SBF1: variants seen among roughly 807,000 people sequenced by gnomAD.
The protein encoded by SBF1 is myotubularin-related protein 5.
In SBF1, 65 loss-of-function variants were observed where a neutral mutation model predicts 215.8. The observed-to-expected ratio is 0.30, with a 90% CI of 0.25 to 0.37. The LOEUF (loss-of-function observed/expected upper bound fraction) is 0.37. SBF1 is among the 10% of genes least tolerant of loss of function. The pLI is 1.00. For missense variants in SBF1, 2,634 were observed against 2,667.8 expected, an observed-to-expected ratio of 0.99 and a Z score of 0.28; for synonymous variants, 1,410 against 1,122.8, an observed-to-expected ratio of 1.26 and a Z score of -5.11.
At position 50,464,924 on chromosome 22, in the gene SBF1, G is replaced by A; in HGVS notation, c.1333-7C>T. 2 of 1,613,764 alleles carry A rather than the reference G, an allele frequency of 1.2e-6. No homozygotes were observed. The highest frequency in any genetic ancestry group is 1.7e-6 in the Non-Finnish European group (2 of 1,179,996). ...CCACCTCGTGGGCCACCAGCTAGCG[G>A]GGTAAGCAGGAGGTTAGGTAAGCCA... On this transcript the variant is annotated splice_region_variant and splice_polypyrimidine_tract_variant and intron_variant, in intron 12 of 40. Transcript: ENST00000380817.
In SBF1 at chr22:50,459,542, G is replaced by T; in HGVS notation, c.3616C>A (p.Leu1206Met). The T allele has an allele frequency of 6.2e-7, 1 of 1,610,374 alleles. No individual in the cohort carries two copies. The highest frequency in any genetic ancestry group is 8.5e-7 in the Non-Finnish European group (1 of 1,179,700). ...CCATGCAGGCCTCCAGAGCGCAGCA[G>T]CACCGCCTTGGACCGCCCGCTGCGC... ...CWRSGRSKAV[L>M]LRSGGLHGKG... The change falls in exon 27 of 41, where the codon CTG becomes ATG. Residue 1206 changes from leucine (L) to methionine (M), a missense_variant. By Grantham distance (15) the Leu-to-Met change is conservative. Transcript: ENST00000380817.
In SBF1 at chr22:50,452,494, G is replaced by A. The variant is rs905545601; in HGVS notation, c.5043+2018C>T. 3.3e-5 allele frequency among the ~76,000 whole-genome samples: 5 copies of A among 152,122 alleles called. No homozygotes were observed. The East Asian group carries it at 7.7e-4, about 23-fold the overall frequency. The stretch of plus-strand genomic sequence containing the variant: ...AGCACTTTGCAAGGCCAAGGCGGGC[G>A]GATCACCTGAGGTCAGGAGTTTGAG... On this transcript the variant is annotated intron_variant, in intron 36 of 40. Coordinates refer to ENST00000380817, the MANE Select transcript of SBF1 (RefSeq NM_002972.4).
chr22:50,459,715 C>T, intron 26 of SBF1, 49 bp from the exon 27 acceptor site: 1 of 1,528,076 alleles, frequency 6.5e-7, no homozygotes, highest in Non-Finnish European at 8.8e-7. Flanking sequence ...CACCCGCCTC[C>T]AGGCTCACGC....
intron 1 of SBF1, among the ~76,000 whole-genome samples, chr22:50,469,449 G>A (rs1404940413): frequency 6.6e-6 from 1 of 152,228 alleles, no homozygotes; most frequent in Non-Finnish European, 1.5e-5. Context: ...GTCCCTGCCT[G>A]TGGCTCACCC....
At position 50,454,874 on chromosome 22, in the gene SBF1, G is replaced by A. The variant is rs762770332; in HGVS notation, c.4752C>T (p.Asp1584=). The change falls in exon 35 of 41, where the codon GAC becomes GAT. Residue 1584 remains aspartate, a synonymous_variant. Coordinates refer to ENST00000380817, the MANE Select transcript of SBF1 (RefSeq NM_002972.4). ...ACACAGGCGTCCTCTTGCTCAGCCG[G>A]TCCACATACTCCCACACAGACCTGC... is the stretch of plus-strand genomic sequence containing the variant. The part of the protein sequence containing the change: ...VPCRSVWEYV[D]RLSKRTPVFH... 13 of 1,613,956 alleles carry A rather than the reference G, an allele frequency of 8.1e-6. No individual in the cohort carries two copies. Among genetic ancestry groups the A allele is most frequent in the Middle Eastern group, 1.6e-4 (1 of 6,084 alleles).
chr22:50,457,327 A>G, intron 28 of SBF1: 1 of 440,948 alleles, frequency 2.3e-6, no homozygotes, highest in Non-Finnish European at 4.0e-6. Context: ...ACTCCGTGGC[A>G]GCAGAAGGGC....
At chr22:50,453,270 C>A (rs1465877884) in intron 36 of SBF1, among the ~76,000 whole-genome samples, 3 of 152,198 alleles carry the variant, frequency 2.0e-5, no homozygotes, top group Non-Finnish European at 4.4e-5. Flanking sequence ...ACCAATGAGA[C>A]CGCGTCAACT....
intron 1 of SBF1, among the ~76,000 whole-genome samples, chr22:50,471,547 A>C (rs2067995821): frequency 6.6e-6 from 1 of 152,144 alleles, no homozygotes; most frequent in African/African-American, 2.4e-5. Flanking sequence ...TGGGGAACCC[A>C]GCTATAGGAA....
In SBF1 at chr22:50,474,902, A is replaced by G; in HGVS notation, c.-62T>C. 8.3e-7 allele frequency: 1 copy of G among 1,210,944 alleles called. No homozygotes were observed. Among genetic ancestry groups the G allele is most frequent in the Non-Finnish European group, 1.1e-6 (1 of 939,928 alleles). 75.0% of individuals were successfully genotyped at this position (1,210,944 alleles called of 1,614,324 possible). A position where few individuals can be genotyped will look rare whatever the true frequency, so the allele number is the denominator to read the frequency against. On this transcript the variant is annotated 5_prime_UTR_variant, in exon 1 of 41. Transcript: ENST00000380817. ...GGCTCCGCGGCTCGGGGACTCGAGG[A>G]CGGCGCGCTCATGGCCCGGCCCCGG...
At chr22:50,452,743 A>G (rs7349048) in intron 36 of SBF1, among the ~76,000 whole-genome samples, 1 of 151,072 alleles carries the variant, frequency 6.6e-6, no homozygotes, top group Non-Finnish European at 1.5e-5. Context: ...AAAAAAAAAA[A>G]AAAAAAAACC....
At chr22:50,466,290 G>A (rs746487540) in intron 7 of SBF1, 32 bp from the exon 8 acceptor site, 5 of 1,612,632 alleles carry the variant, frequency 3.1e-6, no homozygotes, top group South Asian at 1.1e-5. Flanking sequence ...CAGTGAGCCA[G>A]GGGACGCGGC....
At chr22:50,449,616 A>T (rs1415767574) in intron 36 of SBF1, among the ~76,000 whole-genome samples, 3 of 56,878 alleles carry the variant, frequency 5.3e-5, no homozygotes, top group African/African-American at 1.7e-4. Context: ...TTCTGTCTCA[A>T]AACACACAAA....
chr22:50,460,025 T>C lies in SBF1; in HGVS notation c.3418A>G (p.Ser1140Gly), dbSNP rs769560309. 2 of 1,614,016 alleles carry C rather than the reference T, an allele frequency of 1.2e-6. No individual in the cohort carries two copies. The highest frequency in any genetic ancestry group is 1.7e-6 in the Non-Finnish European group (2 of 1,179,962). The change falls in exon 26 of 41, where the codon AGC (serine) becomes GGC (glycine). Residue 1140 changes from serine to glycine, a missense_variant. Coordinates refer to ENST00000380817, the MANE Select transcript of SBF1 (RefSeq NM_002972.4). ...YQRLGLGTLS[S>G]SLSRAKSEPF... ...TCAGACTTGGCCCGGCTCAGGCTGC[T>C]GCTCAGGGTGCCCAGACCGAGGCGC...
At position 50,474,915 on chromosome 22, in the gene SBF1, G is replaced by A. The variant is rs2148622720; in HGVS notation, c.-75C>T. 10 of 1,084,564 alleles carry A rather than the reference G, an allele frequency of 9.2e-6. 1 individual carries two copies. The South Asian group carries it at 9.9e-5, about 11-fold the overall frequency. The allele number at this position is 1,084,564 out of a possible 1,614,324, so 67.2% of individuals were successfully genotyped here. ...GGGGACTCGAGGACGGCGCGCTCATGGCCCGGCCCCGGCCCTGGACCGCGC... is the reference window on the plus strand; with the variant it reads ...GGGGACTCGAGGACGGCGCGCTCATAGCCCGGCCCCGGCCCTGGACCGCGC... On this transcript the variant is annotated 5_prime_UTR_variant, in exon 1 of 41. Transcript: ENST00000380817.
At chr22:50,461,082 T>C in intron 23 of SBF1, 77 bp downstream of exon 23, 2 of 1,499,062 alleles carry the variant, frequency 1.3e-6, no homozygotes, top group Non-Finnish European at 8.9e-7. Flanking sequence ...CTAAAAATGG[T>C]TCATACAAGA....
chr22:50,456,984 C>A, intron 29 of SBF1, 50 bp downstream of exon 29: 1 of 1,348,520 alleles, frequency 7.4e-7, no homozygotes, highest in Non-Finnish European at 9.7e-7. Flanking sequence ...CACTAGAGGC[C>A]GCCAGCACCA....
intron 38 of SBF1, 98 bp from the exon 39 acceptor site, chr22:50,447,707 G>A: frequency 2.4e-6 from 2 of 842,262 alleles, no homozygotes; most frequent in South Asian, 1.5e-5. Context: ...AGCCCAGGAG[G>A]TAAGACCAGG....
At chr22:50,456,964 A>T in intron 29 of SBF1, 70 bp downstream of exon 29, 1 of 1,250,606 alleles carries the variant, frequency 8.0e-7, no homozygotes, top group Non-Finnish European at 1.1e-6. Context: ...GCCCGCAATA[A>T]CTCAGTGCAC....
chr22:50,447,464 CCA>C lies in SBF1; in HGVS notation c.5452-13_5452-12del, dbSNP rs56853707. On this transcript the variant is annotated splice_polypyrimidine_tract_variant and intron_variant, in intron 39 of 40. Coordinates refer to ENST00000380817, the MANE Select transcript of SBF1 (RefSeq NM_002972.4). Reference sequence around the variant, plus strand: ...GTCGTAGTAGCGCAGCTGGAGGAGGCCACAGAGTCAGCGGAGCCCCCTCCCCC... The same window carrying C: ...GTCGTAGTAGCGCAGCTGGAGGAGGCCAGAGTCAGCGGAGCCCCCTCCCCC... 0.41 allele frequency: 654,369 copies of C among 1,610,878 alleles called. 139,826 individuals are homozygous for C. Among genetic ancestry groups the C allele is most frequent in the East Asian group, 0.75 (33,447 of 44,732 alleles).
Sources: allele counts gnomAD v4.1 joint callset (sites outside exome capture counted in the v4.1 genomes callset), GRCh38; gene constraint gnomAD v4.1.1; transcripts MANE v1.5; gene names NCBI Gene and HGNC (gene_info 2026-07-23, HGNC 2026-07-21).